Variants in GRIA1 observed in about 807,000 individuals in gnomAD.
GRIA1 encodes the protein glutamate ionotropic receptor AMPA type subunit 1.
Under a neutral mutation model 99.2 loss-of-function variants are expected in GRIA1, and 31 were observed. That is an observed-to-expected ratio of 0.31 (90% CI 0.23 to 0.42). The LOEUF (loss-of-function observed/expected upper bound fraction) is 0.42, where lower values mean the gene tolerates loss of function less well. Among genes scored for constraint, GRIA1 ranks in the 10% least tolerant of loss-of-function variants. The pLI is 1.00. For synonymous variants in GRIA1, 438 were observed against 432.4 expected (o/e 1.01, Z -0.16); for missense variants, 782 against 1,157.5 (o/e 0.68, Z 4.71).
intron 11 of GRIA1, among the ~76,000 whole-genome samples, chr5:153,706,391 C>T (rs971638972): frequency 2.0e-5 from 3 of 152,188 alleles, no homozygotes; most frequent in Admixed American, 2.0e-4. Flanking sequence ...TTATGGAGCA[C>T]CTACCAAATG....
At chr5:153,517,297 T>A (rs1253497472) in intron 2 of GRIA1, among the ~76,000 whole-genome samples, 2 of 152,194 alleles carry the variant, frequency 1.3e-5, no homozygotes, top group East Asian at 3.8e-4. Flanking sequence ...GGCTTTATTT[T>A]TTCATCCACC....
chr5:153,772,828 T>C lies in GRIA1; in HGVS notation c.2270+2413T>C, dbSNP rs1256861814. Among the ~76,000 whole-genome samples, 5 of 152,216 alleles carry C rather than the reference T, an allele frequency of 3.3e-5. No individual in the cohort carries two copies. In the East Asian group the frequency reaches 9.6e-4, roughly 29 times the overall value. On this transcript the variant is annotated intron_variant, in intron 13 of 15. Coordinates refer to ENST00000285900, the MANE Select transcript of GRIA1 (RefSeq NM_000827.4). ...TTTATAGTTCCAGGAACATCAGTGATACCTCAATATTACAATTTACTGAAG... is the reference window on the plus strand; with the variant it reads ...TTTATAGTTCCAGGAACATCAGTGACACCTCAATATTACAATTTACTGAAG...
chr5:153,677,747 G>C (rs537577770), intron 7 of GRIA1, among the ~76,000 whole-genome samples: 1 of 152,352 alleles, frequency 6.6e-6, no homozygotes, highest in African/African-American at 2.4e-5. Flanking sequence ...ACAACAGAGA[G>C]AAGCATAAAT....
At chr5:153,597,258 G>T (rs1341349875) in intron 2 of GRIA1, among the ~76,000 whole-genome samples, 1 of 152,162 alleles carries the variant, frequency 6.6e-6, no homozygotes, top group Non-Finnish European at 1.5e-5. Flanking sequence ...AGTACGTTCA[G>T]GGACTACCTG....
chr5:153,587,678 T>G (rs970688977), intron 2 of GRIA1, among the ~76,000 whole-genome samples: 4 of 152,192 alleles, frequency 2.6e-5, no homozygotes, highest in African/African-American at 9.7e-5. Flanking sequence ...GTCCAAGATA[T>G]GGGTCTATTC....
intron 15 of GRIA1, among the ~76,000 whole-genome samples, chr5:153,807,788 G>A (rs1435178615): frequency 6.6e-6 from 1 of 152,204 alleles, no homozygotes; most frequent in Non-Finnish European, 1.5e-5. Flanking sequence ...CAAACAGACT[G>A]GCTCCTGAAT....
chr5:153,579,780 A>T (rs1762882811), intron 2 of GRIA1, among the ~76,000 whole-genome samples: 1 of 152,034 alleles, frequency 6.6e-6, no homozygotes, highest in African/African-American at 2.4e-5. Context: ...TCACACTGTG[A>T]GTGATAGAGG....
intron 2 of GRIA1, among the ~76,000 whole-genome samples, chr5:153,543,665 A>G (rs1336480143): frequency 1.3e-5 from 2 of 152,202 alleles, no homozygotes; most frequent in Non-Finnish European, 2.9e-5. Flanking sequence ...CTGAAAATAG[A>G]GATAATTCTA....
In GRIA1 at chr5:153,552,988, C is replaced by G. The variant is rs934476615; in HGVS notation, c.220+58923C>G. 5.9e-5 allele frequency among the ~76,000 whole-genome samples: 9 copies of G among 152,300 alleles called. No homozygotes were observed. In the East Asian group the frequency reaches 1.7e-3, roughly 29 times the overall value. ...CTATGTTGCCCTGGCTGGTTTCAAACTCTTGGCCTCAAGCAATACTCCCAC... is the reference window on the plus strand; with the variant it reads ...CTATGTTGCCCTGGCTGGTTTCAAAGTCTTGGCCTCAAGCAATACTCCCAC... On this transcript the variant is annotated intron_variant, in intron 2 of 15. Coordinates refer to ENST00000285900, the MANE Select transcript of GRIA1 (RefSeq NM_000827.4).
chr5:153,805,609 C>A (rs1766372374), intron 15 of GRIA1, among the ~76,000 whole-genome samples: 1 of 152,210 alleles, frequency 6.6e-6, no homozygotes, highest in Admixed American at 6.5e-5. Flanking sequence ...TCTGGGATTA[C>A]AGTGACTCCC....
chr5:153,695,930 A>G (rs1003816935), intron 8 of GRIA1, among the ~76,000 whole-genome samples: 2 of 152,216 alleles, frequency 1.3e-5, no homozygotes, highest in Non-Finnish European at 2.9e-5. Flanking sequence ...CTGGGAAAAG[A>G]TGTTCTAGAC....
chr5:153,606,788 C>T (rs1765474645), intron 2 of GRIA1, among the ~76,000 whole-genome samples: 2 of 151,516 alleles, frequency 1.3e-5, no homozygotes, highest in African/African-American at 2.4e-5. Flanking sequence ...TCTGTGAATA[C>T]AGTCATGTCA....
chr5:153,623,354 G>A (rs551511980), intron 2 of GRIA1, among the ~76,000 whole-genome samples: 108 of 152,228 alleles, frequency 7.1e-4, no homozygotes, highest in Non-Finnish European at 1.1e-3. Flanking sequence ...TGAAATCTGC[G>A]GTTGTTTCTT....
At chr5:153,647,211 G>T in intron 3 of GRIA1, 44 bp downstream of exon 3, 2 of 1,597,092 alleles carry the variant, frequency 1.3e-6, no homozygotes, top group Non-Finnish European at 1.7e-6. Context: ...GGGATGGAGA[G>T]AAAATTACCA....
At chr5:153,559,838 T>C (rs939222604) in intron 2 of GRIA1, among the ~76,000 whole-genome samples, 1 of 152,044 alleles carries the variant, frequency 6.6e-6, no homozygotes, top group African/African-American at 2.4e-5. Flanking sequence ...CAAAAAAAAA[T>C]TGCCTGACTT....
At chr5:153,497,049 A>T (rs1166733583) in intron 2 of GRIA1, among the ~76,000 whole-genome samples, 2 of 152,146 alleles carry the variant, frequency 1.3e-5, no homozygotes, top group African/African-American at 4.8e-5. Context: ...AGAGGTGGTT[A>T]TATGGTAGGG....
chr5:153,746,498 T>A (rs1762169599), intron 11 of GRIA1, among the ~76,000 whole-genome samples: 1 of 152,172 alleles, frequency 6.6e-6, no homozygotes, highest in South Asian at 2.1e-4. Context: ...CATCCCACAT[T>A]TAAATATGTT....
chr5:153,679,473 C>T (rs1006306213), intron 7 of GRIA1, among the ~76,000 whole-genome samples: 1 of 152,232 alleles, frequency 6.6e-6, no homozygotes, highest in Non-Finnish European at 1.5e-5. Context: ...TGGGCAGTGA[C>T]TCACCCAGGG....
intron 11 of GRIA1, among the ~76,000 whole-genome samples, chr5:153,725,204 T>C (rs1411032385): frequency 6.6e-6 from 1 of 151,596 alleles, no homozygotes; most frequent in Non-Finnish European, 1.5e-5. Context: ...TGCTGAGAGA[T>C]TTTGTCACCA....
Sources: allele counts gnomAD v4.1 joint callset (sites outside exome capture counted in the v4.1 genomes callset), GRCh38; gene constraint gnomAD v4.1.1; transcripts MANE v1.5; gene names NCBI Gene and HGNC (gene_info 2026-07-23, HGNC 2026-07-21).